The following CEP85L variants were observed in gnomAD, a reference collection of about 807,000 sequenced individuals.
CEP85L encodes centrosomal protein 85L.
A neutral mutation model predicts 100.3 loss-of-function variants in CEP85L; 60 were observed. The ratio of observed to expected loss-of-function variants is 0.60; its 90% CI spans 0.49 to 0.74. The LOEUF is 0.74. Ranked by LOEUF, CEP85L falls within the 30% of genes least tolerant of loss-of-function variation. The probability of loss-of-function intolerance (pLI) is 0.00; values close to 1 mark genes in which losing one functional copy is unlikely to be tolerated. For missense variants in CEP85L, 973 were observed against 936.2 expected, an observed-to-expected ratio of 1.04 and a Z score of -0.51; for synonymous variants, 319 against 322.7, an observed-to-expected ratio of 0.99 and a Z score of 0.12.
chr6:118,591,267 G>GA (rs1781175072), intron 2 of CEP85L, among the ~76,000 whole-genome samples: 1 of 152,068 alleles, frequency 6.6e-6, no homozygotes. Flanking sequence ...ACTAAATTAA[G>GA]ATGAAAACCC....
chr6:118,574,497 C>T (rs763612813), intron 2 of CEP85L, among the ~76,000 whole-genome samples: 1 of 152,224 alleles, frequency 6.6e-6, no homozygotes, highest in African/African-American at 2.4e-5. Context: ...CTTTGTAGCA[C>T]TGAGCAAAGA....
At chr6:118,526,388 G>A (rs79477297) in intron 3 of CEP85L, among the ~76,000 whole-genome samples, 15,139 of 152,126 alleles carry the variant, frequency 0.1, 872 homozygotes, top group East Asian at 0.2. Context: ...TCAGGACCCC[G>A]CTCCATCCAT....
intron 3 of CEP85L, among the ~76,000 whole-genome samples, chr6:118,532,900 AT>A (rs1353542024): frequency 6.6e-6 from 1 of 152,194 alleles, no homozygotes. Context: ...CAATACTATC[AT>A]TTTGGGGGAT....
Position 118,470,625 on chromosome 6 carries a change from G to T in CEP85L, c.1934C>A (p.Ser645Tyr). The change falls in exon 11 of 13, where the codon TCT becomes TAT. Residue 645 changes from serine (S) to tyrosine (Y), a missense_variant. Around this residue, in one of 3 missense-constraint regions of CEP85L, gnomAD observed 890 missense variants for 844.5 expected, o/e 1.05. Transcript: ENST00000368491. ...LEIQSMQGKL[S>Y]KEKLTTQKMM... ...CTTTTGAGTGGTCAGTTTCTCTTTA[G>T]AAAGCTTTCCTTGCATAGACTAGAA... 1 of 1,598,948 alleles carries T rather than the reference G, an allele frequency of 6.3e-7. No homozygotes were observed. Among genetic ancestry groups the T allele is most frequent in the Non-Finnish European group, 8.5e-7 (1 of 1,172,572 alleles).
intron 6 of CEP85L, among the ~76,000 whole-genome samples, chr6:118,488,411 G>T (rs1298094249): frequency 6.6e-6 from 1 of 151,668 alleles, no homozygotes; most frequent in Admixed American, 6.6e-5. Flanking sequence ...ACTAGAGAGG[G>T]TCAAAAGCAC....
chr6:118,648,089 A>T (rs1775317877), intron 1 of CEP85L, among the ~76,000 whole-genome samples: 1 of 152,046 alleles, frequency 6.6e-6, no homozygotes, highest in Non-Finnish European at 1.5e-5. Flanking sequence ...CCTTGTCTCT[A>T]CTAAAAATAC....
Position 118,566,305 on chromosome 6 carries a change from A to C in CEP85L, c.244T>G (p.Ser82Ala), listed in dbSNP as rs1779503592. 1 of 1,611,456 alleles carries C rather than the reference A, an allele frequency of 6.2e-7. No individual in the cohort carries two copies. The highest frequency in any genetic ancestry group is 1.3e-5 in the African/African-American group (1 of 74,824). Residue 82 changes from serine (S) to alanine (A), a missense_variant, in exon 3 of 13, where the codon TCA becomes GCA. Physicochemically the swap from Ser to Ala is moderately conservative, Grantham distance 99 (BLOSUM62 1). Around this residue, in one of 3 missense-constraint regions of CEP85L, gnomAD observed 890 missense variants for 844.5 expected, o/e 1.05. Transcript: ENST00000368491. ...CSDSVEDHST[S>A]SGTLSFKPSQ... ...GGCTTAAAAGATAATGTGCCACTTG[A>C]AGTTGAATGATCTGGAAAGAAAAAA...
rs889648433 is a variant in CEP85L at position 118,702,219 on chromosome 6, T to A, written c.-28+7817A>T. Among the ~76,000 whole-genome samples, 4 of 152,310 alleles carry A rather than the reference T, an allele frequency of 2.6e-5. No homozygotes were observed. In the East Asian group the frequency reaches 5.8e-4, roughly 22 times the overall value. On this transcript the variant is annotated intron_variant, in intron 1 of 13. Coordinates refer to the CEP85L transcript ENST00000368488. The stretch of plus-strand genomic sequence containing the variant: ...GACTACCTGTTATTTACCTAAATTT[T>A]AAAAATTTTGGCTGGACACAGTGGC...
intron 1 of CEP85L, among the ~76,000 whole-genome samples, chr6:118,633,624 C>A (rs1774313219): frequency 6.6e-6 from 1 of 152,072 alleles, no homozygotes; most frequent in Admixed American, 6.6e-5. Context: ...CTGTTTTACC[C>A]ATCACTTATT....
intron 2 of CEP85L, among the ~76,000 whole-genome samples, chr6:118,587,500 G>A (rs986641163): frequency 2.0e-5 from 3 of 152,194 alleles, no homozygotes; most frequent in African/African-American, 7.2e-5. Flanking sequence ...CTAGTGGGGG[G>A]CTTTCAGAAA....
chr6:118,542,916 A>AAC (rs1777985506), intron 3 of CEP85L, among the ~76,000 whole-genome samples: 1 of 150,776 alleles, frequency 6.6e-6, no homozygotes, highest in African/African-American at 2.4e-5. Context: ...AAAAAAAAAA[A>AAC]AAAAAAACAG....
intron 5 of CEP85L, among the ~76,000 whole-genome samples, chr6:118,499,058 T>C (rs1302854757): frequency 1.3e-5 from 2 of 152,000 alleles, no homozygotes; most frequent in Non-Finnish European, 2.9e-5. Context: ...GTCAACTAAA[T>C]GAAAAGGAAA....
chr6:118,582,262 A>G (rs1477894797), intron 2 of CEP85L, among the ~76,000 whole-genome samples: 1 of 152,214 alleles, frequency 6.6e-6, no homozygotes, highest in Non-Finnish European at 1.5e-5. Context: ...CCTTCTCATT[A>G]CAGGACCTTA....
In CEP85L at chr6:118,486,683, T is replaced by C. The variant is rs142130845; in HGVS notation, c.1438-2825A>G. On this transcript the variant is annotated intron_variant, in intron 6 of 12. Transcript: ENST00000368491. Reference sequence around the variant, plus strand: ...ACACAAACTCTGCCCTCTACATCTATCCCCTCTCCTCAAATTTCTCTGGTA... The same window carrying C: ...ACACAAACTCTGCCCTCTACATCTACCCCCTCTCCTCAAATTTCTCTGGTA... Among the ~76,000 whole-genome samples, 563 of 152,208 alleles carry C rather than the reference T, an allele frequency of 3.7e-3. 3 individuals are homozygous for C. Among genetic ancestry groups the C allele is most frequent in the African/African-American group, 0.013 (537 of 41,540 alleles).
chr6:118,613,757 C>CAAAAAAAAAAAAA (rs370753175), intron 2 of CEP85L, among the ~76,000 whole-genome samples: 1 of 102,646 alleles, frequency 9.7e-6, no homozygotes, highest in African/African-American at 4.0e-5. Flanking sequence ...ATCTGTGTCT[C>CAAAAAAAAAAAAA]AAAAAAAAAA....
At chr6:118,541,779 T>C (rs1164107655) in intron 3 of CEP85L, among the ~76,000 whole-genome samples, 1 of 152,208 alleles carries the variant, frequency 6.6e-6, no homozygotes. Context: ...TAACTAAAAG[T>C]GCAATTTCTT....
chr6:118,572,208 G>A (rs866604845), intron 2 of CEP85L, among the ~76,000 whole-genome samples: 30 of 139,384 alleles, frequency 2.2e-4, no homozygotes, highest in African/African-American at 7.1e-4. Context: ...TCCTGCTAAC[G>A]CCATGATCAT....
At chr6:118,590,754 T>C (rs900827992) in intron 2 of CEP85L, among the ~76,000 whole-genome samples, 4 of 152,154 alleles carry the variant, frequency 2.6e-5, no homozygotes, top group African/African-American at 9.7e-5. Flanking sequence ...AAAACAAGTA[T>C]TGTCAGGTAT....
chr6:118,678,867 G>A (rs1776560089), intron 1 of CEP85L, among the ~76,000 whole-genome samples: 1 of 152,220 alleles, frequency 6.6e-6, no homozygotes, highest in Non-Finnish European at 1.5e-5. Flanking sequence ...GGGAGGTGGA[G>A]GTTCCAGTGA....
Sources: allele counts gnomAD v4.1 joint callset (sites outside exome capture counted in the v4.1 genomes callset), GRCh38; gene constraint gnomAD v4.1.1; regional missense constraint gnomAD v4.1.1; transcripts MANE v1.5; gene names NCBI Gene and HGNC (gene_info 2026-07-23, HGNC 2026-07-21).